RANBP2: variants seen among roughly 807,000 people sequenced by gnomAD.
RANBP2 encodes the protein E3 SUMO-protein ligase RanBP2.
RANBP2 carries 57 observed loss-of-function variants against 303.6 expected under a neutral mutation model. The ratio of observed to expected loss-of-function variants is 0.19; its 90% CI spans 0.15 to 0.23. The LOEUF (loss-of-function observed/expected upper bound fraction) is 0.23. RANBP2 is among the 10% of genes least tolerant of loss of function. The pLI, the probability that RANBP2 is intolerant of heterozygous loss-of-function variation, is 1.00. For synonymous variants in RANBP2, 1,167 were observed against 1,301.5 expected (o/e 0.90, Z 2.23); for missense variants, 3,138 against 3,780.8 (o/e 0.83, Z 4.46).
the RANBP2 span, among the ~76,000 whole-genome samples, chr2:108,862,237 C>T: frequency 2.0e-5 from 3 of 151,856 alleles, no homozygotes; most frequent in African/African-American, 7.3e-5. Context: ...CAGAAGAAAT[C>T]TCAATGGAAT....
chr2:109,713,837 T>C, the RANBP2 span, among the ~76,000 whole-genome samples: 1 of 152,236 alleles, frequency 6.6e-6, no homozygotes, highest in Admixed American at 6.5e-5. Context: ...CCTCCTAAGA[T>C]CACTCTGTTT....
the RANBP2 span, among the ~76,000 whole-genome samples, chr2:108,832,081 G>A: frequency 2.0e-5 from 3 of 151,660 alleles, no homozygotes; most frequent in Non-Finnish European, 4.4e-5. Context: ...CCAGGCTGGA[G>A]TGCAGTGCTG....
the RANBP2 span, among the ~76,000 whole-genome samples, chr2:109,577,246 T>C: frequency 6.6e-6 from 1 of 152,256 alleles, no homozygotes; most frequent in East Asian, 1.9e-4. Context: ...AAATTTTTGG[T>C]TAATAGATGG....
chr2:109,169,288 A>G, the RANBP2 span, among the ~76,000 whole-genome samples: 2 of 152,194 alleles, frequency 1.3e-5, no homozygotes, highest in Middle Eastern at 3.4e-3. Context: ...AGGCGGGTAT[A>G]TTATTTTTGC....
At chr2:108,860,743 G>A in the RANBP2 span, among the ~76,000 whole-genome samples, 1 of 151,710 alleles carries the variant, frequency 6.6e-6, no homozygotes, top group Non-Finnish European at 1.5e-5. Context: ...TGTTGATCAG[G>A]GATATTGGCC....
At chr2:109,708,266 G>C in the RANBP2 span, among the ~76,000 whole-genome samples, 1 of 151,440 alleles carries the variant, frequency 6.6e-6, no homozygotes, top group African/African-American at 2.4e-5. Flanking sequence ...CACGCCTGTA[G>C]TCCCAGCTAC....
the RANBP2 span, among the ~76,000 whole-genome samples, chr2:109,325,143 C>T: frequency 5.7e-3 from 868 of 152,170 alleles, 8 homozygotes; most frequent in African/African-American, 0.02. Context: ...CACATTTCCT[C>T]TGCAGTGCTC....
At chr2:108,962,441 A>C in the RANBP2 span, among the ~76,000 whole-genome samples, 1 of 152,060 alleles carries the variant, frequency 6.6e-6, no homozygotes, top group Non-Finnish European at 1.5e-5. Flanking sequence ...TGGGAGGCCG[A>C]GGCTGGTGGA....
the RANBP2 span, chr2:109,546,247 A>G: frequency 3.4e-4 from 517 of 1,533,588 alleles, 2 homozygotes; most frequent in East Asian, 0.012. Flanking sequence ...GCTGGAAACA[A>G]AAGTGCAATC....
At chr2:109,311,673 C>G in the RANBP2 span, among the ~76,000 whole-genome samples, 2 of 152,336 alleles carry the variant, frequency 1.3e-5, no homozygotes, top group Middle Eastern at 3.4e-3. Flanking sequence ...GAGACCCAGT[C>G]TGTGGACATG....
chr2:108,982,699 G>C, the RANBP2 span, among the ~76,000 whole-genome samples: 87 of 152,316 alleles, frequency 5.7e-4, no homozygotes, highest in Admixed American at 1.8e-3. Flanking sequence ...AAACCAACTG[G>C]CAGTAATTCT....
At chr2:109,507,982 T>G in the RANBP2 span, among the ~76,000 whole-genome samples, 3 of 152,138 alleles carry the variant, frequency 2.0e-5, no homozygotes, top group African/African-American at 7.2e-5. Flanking sequence ...AACGCTGGTG[T>G]AGATGAGTTT....
the RANBP2 span, among the ~76,000 whole-genome samples, chr2:109,513,375 ACAC>A: frequency 6.6e-6 from 1 of 151,790 alleles, no homozygotes; most frequent in African/African-American, 2.4e-5. Flanking sequence ...CCGTATGCAC[ACAC>A]TTCACACATG....
At chr2:109,410,668 C>A in the RANBP2 span, among the ~76,000 whole-genome samples, 1 of 152,234 alleles carries the variant, frequency 6.6e-6, no homozygotes, top group Admixed American at 6.5e-5. Flanking sequence ...TCAGCCAGCT[C>A]CTTCGGAACA....
chr2:108,947,018 TA>T, the RANBP2 span, among the ~76,000 whole-genome samples: 1 of 152,216 alleles, frequency 6.6e-6, no homozygotes, highest in African/African-American at 2.4e-5. Context: ...CTTCTGCCTA[TA>T]AGCCTGTAAA....
At chr2:109,024,029 G>A in the RANBP2 span, among the ~76,000 whole-genome samples, 1 of 152,058 alleles carries the variant, frequency 6.6e-6, no homozygotes, top group Non-Finnish European at 1.5e-5. Context: ...GGGTTGAAGC[G>A]ATTCTCCTGC....
chr2:109,385,635 C>T, the RANBP2 span, among the ~76,000 whole-genome samples: 1 of 152,318 alleles, frequency 6.6e-6, no homozygotes, highest in South Asian at 2.1e-4. Context: ...GCAGGCAGAG[C>T]CTGAGGTCAG....
the RANBP2 span, among the ~76,000 whole-genome samples, chr2:109,645,882 G>C: frequency 6.6e-6 from 1 of 152,144 alleles, no homozygotes; most frequent in African/African-American, 2.4e-5. Context: ...GCTCTCAGGG[G>C]TGCGCCATTC....
chr2:108,884,505 A>G, the RANBP2 span: 1 of 152,208 alleles, frequency 6.6e-6, no homozygotes, highest in Non-Finnish European at 1.5e-5. Context: ...AATAGAAGAA[A>G]GAGCACCGCT....
Sources: gnomAD v4.1 joint callset for allele counts (sites outside exome capture counted in the v4.1 genomes callset) on GRCh38, gnomAD v4.1.1 for gene constraint, MANE v1.5 for transcripts, NCBI Gene and HGNC (gene_info 2026-07-23, HGNC 2026-07-21) for gene names.